The following KLHL29 variants were observed in gnomAD, a reference collection of about 807,000 sequenced individuals.
The protein encoded by KLHL29 is kelch-like protein 29.
KLHL29 carries 21 observed loss-of-function variants against 80.4 expected under a neutral mutation model. The ratio of observed to expected loss-of-function variants is 0.26; its 90% confidence interval spans 0.19 to 0.38. The LOEUF is 0.38. KLHL29 is among the 10% of genes least tolerant of loss of function. KLHL29 has a pLI of 1.00. For synonymous variants in KLHL29, 511 were observed against 526.8 expected (o/e 0.97, Z 0.41); for missense variants, 867 against 1,223.9 (o/e 0.71, Z 4.35).
intron 1 of KLHL29, among the ~76,000 whole-genome samples, chr2:23,420,277 C>T (rs902463906): frequency 2.0e-5 from 3 of 152,216 alleles, no homozygotes; most frequent in Non-Finnish European, 4.4e-5. Context: ...CCTCGAAGCC[C>T]TGTTTCCTCT....
intron 1 of KLHL29, among the ~76,000 whole-genome samples, chr2:23,456,047 A>T (rs1215650327): frequency 6.6e-6 from 1 of 152,256 alleles, no homozygotes; most frequent in East Asian, 1.9e-4. Flanking sequence ...GAAGAAACCA[A>T]ACCTGCTGAC....
chr2:23,473,729 G>T (rs776369743), intron 1 of KLHL29, among the ~76,000 whole-genome samples: 8 of 152,154 alleles, frequency 5.3e-5, no homozygotes, highest in African/African-American at 1.9e-4. Context: ...TCTAAAGATG[G>T]TGGCTGGGAT....
At chr2:23,578,336 C>T (rs557249459) in intron 3 of KLHL29, among the ~76,000 whole-genome samples, 16 of 152,354 alleles carry the variant, frequency 1.1e-4, no homozygotes, top group East Asian at 9.6e-4. Flanking sequence ...AGATTGCATC[C>T]GGACTCTCCC....
chr2:23,704,932 T>C (rs550292535), intron 13 of KLHL29, among the ~76,000 whole-genome samples: 15 of 152,360 alleles, frequency 9.8e-5, no homozygotes, highest in Non-Finnish European at 1.6e-4. Context: ...AGAAAAGATA[T>C]AACCTCCTAC....
chr2:23,673,406 A>G (rs1175121550), intron 5 of KLHL29, among the ~76,000 whole-genome samples: 2 of 151,312 alleles, frequency 1.3e-5, no homozygotes, highest in Admixed American at 1.3e-4. Flanking sequence ...TTGCATGTAC[A>G]TACACATACA....
At chr2:23,643,075 C>T (rs887769837) in intron 5 of KLHL29, 26 of 688,436 alleles carry the variant, frequency 3.8e-5, no homozygotes, top group African/African-American at 2.5e-4. Context: ...GAAAATGCGC[C>T]GGGGTAAGAA....
chr2:23,405,054 AAGG>A (rs1666692053), intron 1 of KLHL29, among the ~76,000 whole-genome samples: 1 of 152,232 alleles, frequency 6.6e-6, no homozygotes, highest in South Asian at 2.1e-4. Context: ...TGGCATAAAA[AAGG>A]AGAACAAATA....
At chr2:23,674,423 C>T (rs1185918128) in intron 5 of KLHL29, among the ~76,000 whole-genome samples, 2 of 152,158 alleles carry the variant, frequency 1.3e-5, no homozygotes, top group African/African-American at 4.8e-5. Flanking sequence ...AGGGCACCCT[C>T]GAACCCCTAT....
intron 5 of KLHL29, among the ~76,000 whole-genome samples, chr2:23,675,084 C>T (rs1367609017): frequency 2.0e-5 from 3 of 152,188 alleles, no homozygotes; most frequent in Non-Finnish European, 4.4e-5. Context: ...TCACCCAAGT[C>T]TCCCAAGCCC....
chr2:23,646,123 A>G (rs367728674), intron 5 of KLHL29, among the ~76,000 whole-genome samples: 2 of 152,192 alleles, frequency 1.3e-5, no homozygotes, highest in South Asian at 2.1e-4. Flanking sequence ...GGAGGAAAAA[A>G]GAATTCGTTC....
At chr2:23,386,301 C>A (rs929397718) in intron 1 of KLHL29, among the ~76,000 whole-genome samples, 21 of 152,288 alleles carry the variant, frequency 1.4e-4, no homozygotes, top group African/African-American at 5.1e-4. Flanking sequence ...TTCTGCCCCT[C>A]GCGTCCTCTG....
At position 23,503,216 on chromosome 2, in the gene KLHL29, G is replaced by C. The variant is rs1665504117; in HGVS notation, c.-46+27549G>C. On this transcript the variant is annotated intron_variant, in intron 2 of 13. Transcript: ENST00000486442. The surrounding 1 kb of genome is among the most constrained non-coding windows in gnomAD (Gnocchi z 4.0). ...GCTGCTGTCCTGTGAAGTAGACCTG[G>C]CAGGGGATGGCTGCTCCGGGCTGGC... is the stretch of plus-strand genomic sequence containing the variant. 6.6e-6 allele frequency among the ~76,000 whole-genome samples: 1 copy of C among 152,178 alleles called. No individual in the cohort carries two copies. The highest frequency in any genetic ancestry group is 2.4e-5 in the African/African-American group (1 of 41,422).
intron 2 of KLHL29, among the ~76,000 whole-genome samples, chr2:23,558,007 C>A (rs2103493903): frequency 6.6e-6 from 1 of 152,274 alleles, no homozygotes; most frequent in Non-Finnish European, 1.5e-5. Flanking sequence ...ATGTGGCCTC[C>A]AAGGTTGCCA....
intron 1 of KLHL29, among the ~76,000 whole-genome samples, chr2:23,454,022 A>G (rs552291305): frequency 4.2e-4 from 64 of 152,332 alleles, no homozygotes; most frequent in African/African-American, 1.5e-3. Context: ...CTAAATGCCC[A>G]TTAAAACAGC....
Position 23,695,604 on chromosome 2 carries a change from T to C in KLHL29, c.1543-19T>C. 6.6e-7 allele frequency: 1 copy of C among 1,519,326 alleles called. No homozygotes were observed. The highest frequency in any genetic ancestry group is 8.9e-7 in the Non-Finnish European group (1 of 1,129,818). 94.1% of individuals were successfully genotyped at this position (1,519,326 alleles called of 1,614,324 possible). On this transcript the variant is annotated intron_variant, in intron 8 of 13. Coordinates refer to ENST00000486442, the MANE Select transcript of KLHL29 (RefSeq NM_052920.2). This position sits in a 1 kb window ranked among gnomAD's most constrained non-coding sequence, Gnocchi z 7.6. ...CTCTCTTGCTAGTCTAAGAAGATTC[T>C]GTCTCCTGTACCCTGCAGTACGCGG...
intron 5 of KLHL29, among the ~76,000 whole-genome samples, chr2:23,683,412 G>C (rs1671146991): frequency 6.6e-6 from 1 of 152,260 alleles, no homozygotes; most frequent in Admixed American, 6.5e-5. Flanking sequence ...ATGAGGCAAG[G>C]CTGTTGTGGG....
At position 23,512,962 on chromosome 2, in the gene KLHL29, G is replaced by A. The variant is rs6732331; in HGVS notation, c.-46+37295G>A. The stretch of plus-strand genomic sequence containing the variant: ...GTCCCTTCAAACCCAGTCCCTGGGG[G>A]CACACAGGCCGTGGGCTGTGGGATG... On this transcript the variant is annotated intron_variant, in intron 2 of 13. Transcript: ENST00000486442. 5.7e-3 allele frequency among the ~76,000 whole-genome samples: 862 copies of A among 152,366 alleles called. 12 individuals carry two copies. Among genetic ancestry groups the A allele is most frequent in the African/African-American group, 0.02 (812 of 41,590 alleles).
intron 3 of KLHL29, among the ~76,000 whole-genome samples, chr2:23,584,644 C>T (rs1044008995): frequency 2.6e-5 from 4 of 152,126 alleles, no homozygotes; most frequent in Non-Finnish European, 2.9e-5. Context: ...GAGGCTGGGG[C>T]GGAGGGGGGC....
chr2:23,661,407 G>A (rs890967335), intron 5 of KLHL29, among the ~76,000 whole-genome samples: 8 of 150,904 alleles, frequency 5.3e-5, no homozygotes, highest in Non-Finnish European at 7.4e-5. Context: ...AAGGTCCCAG[G>A]CTCCTGACAA....
Sources: allele counts gnomAD v4.1 joint callset (sites outside exome capture counted in the v4.1 genomes callset), GRCh38; gene constraint gnomAD v4.1.1; non-coding constraint Gnocchi (gnomAD v3.1); transcripts MANE v1.5; gene names NCBI Gene and HGNC (gene_info 2026-07-23, HGNC 2026-07-21).